RECQL4: variants seen among roughly 807,000 people sequenced by gnomAD.
RECQL4 encodes the protein ATP-dependent DNA helicase Q4.
RECQL4 carries 158 observed loss-of-function variants against 128.6 expected under a neutral mutation model. The observed-to-expected ratio is 1.23, with a 90% CI of 1.08 to 1.40. The LOEUF (loss-of-function observed/expected upper bound fraction) is 1.40. Ranked by LOEUF, RECQL4 falls within the 40% of genes most tolerant of loss-of-function variation. The probability of loss-of-function intolerance (pLI) is 0.00; values close to 1 mark genes in which losing one functional copy is unlikely to be tolerated. For missense variants in RECQL4, 2,293 were observed against 1,649.8 expected (o/e 1.39, Z -6.75); for synonymous variants, 996 against 678.9 (o/e 1.47, Z -7.26).
intron 20 of RECQL4, 49 bp from the exon 21 acceptor site, chr8:144,511,604 C>T (rs371296496): frequency 2.1e-5 from 34 of 1,607,082 alleles, no homozygotes; most frequent in African/African-American, 6.7e-5. Context: ...CAGCCTGCAG[C>T]GGGTGGAGCC....
In RECQL4 at chr8:144,511,435, C is replaced by T. The variant is rs563816306; in HGVS notation, c.3623G>A (p.Arg1208His). The T allele has an allele frequency of 1.9e-5, 31 of 1,612,326 alleles. No homozygotes were observed. Among genetic ancestry groups the T allele is most frequent in the Middle Eastern group, 1.7e-4 (1 of 6,058 alleles). Reference protein sequence around the residue: ...LATEELLQVAR With the variant: ...LATEELLQVAH ...ACATCCCCCAATGCAGTGCAGTCAGCGGGCCACCTGCAGGAGCTCTTCCGT... is the reference window on the plus strand; with the variant it reads ...ACATCCCCCAATGCAGTGCAGTCAGTGGGCCACCTGCAGGAGCTCTTCCGT... The change falls in exon 21 of 21, where the codon CGC becomes CAC. Residue 1208 changes from arginine to histidine, a missense_variant. Physicochemically the swap from Arg to His is conservative, Grantham distance 29 (BLOSUM62 0). Coordinates refer to ENST00000617875, the MANE Select transcript of RECQL4 (RefSeq NM_004260.4).
intron 4 of RECQL4, 91 bp downstream of exon 4, chr8:144,516,959 G>A (rs1440041712): frequency 5.3e-6 from 8 of 1,520,928 alleles, no homozygotes; most frequent in Non-Finnish European, 6.2e-6. Flanking sequence ...AGGGGCCCGT[G>A]CCTGTCTGTG....
rs937313187 is a variant in RECQL4, at chr8:144,513,237, T to C, written c.2444A>G (p.His815Arg). The change falls in exon 14 of 21, where the codon CAC becomes CGC. Residue 815 changes from histidine to arginine, a missense_variant. By Grantham distance (29) the His-to-Arg change is conservative. Transcript: ENST00000617875. Reference protein sequence around the residue: ...AGRDGQPAHCHLFLQPQGEDL... With the variant: ...AGRDGQPAHCRLFLQPQGEDL... ...GCCAACCTGGGGCTGCAGGAAGAGG[T>C]GGCAGTGGGCAGGCTGCCCGTCACG... 6.4e-7 allele frequency: 1 copy of C among 1,566,126 alleles called. No homozygotes were observed.
Position 144,513,400 on chromosome 8 carries a change from TGAAG to T in RECQL4, c.2277_2280del (p.Phe760CysfsTer82). On this transcript the variant is annotated frameshift_variant, in exon 14 of 21. Coordinates refer to ENST00000617875, the MANE Select transcript of RECQL4 (RefSeq NM_004260.4). LOFTEE classifies it high-confidence loss of function. ...ACCACCACCCGCAACTGGCCCTGCA[TGAAG>T]GCTCGCTGTACCCGCCGCCGTTCCC... 1 of 1,608,752 alleles carries T rather than the reference TGAAG, an allele frequency of 6.2e-7. No homozygotes were observed. Among genetic ancestry groups the T allele is most frequent in the African/African-American group, 1.3e-5 (1 of 75,070 alleles).
rs760851442 is a variant in RECQL4 at position 144,517,117 on chromosome 8, C to G, written c.287G>C (p.Arg96Pro). 1 of 1,612,316 alleles carries G rather than the reference C, an allele frequency of 6.2e-7. No homozygotes were observed. The highest frequency in any genetic ancestry group is 1.3e-5 in the African/African-American group (1 of 75,062). The stretch of plus-strand genomic sequence containing the variant: ...GTCCGGCACCGAGCCCTGGCGGCTC[C>G]GCCCTGGCGTAGACTGTGGACTCTT... ...ATKSPQSTPG[R>P]SRQGSVPDYG... The change falls in exon 4 of 21, where the codon CGG (arginine) becomes CCG (proline). Residue 96 changes from arginine to proline, a missense_variant. Transcript: ENST00000617875.
rs35639991 is a variant in RECQL4 at position 144,516,504 on chromosome 8, G to C, written c.615C>G (p.Pro205=). Residue 205 remains proline, a synonymous_variant, in exon 5 of 21, where the codon CCC becomes CCG. Coordinates refer to ENST00000617875, the MANE Select transcript of RECQL4 (RefSeq NM_004260.4). ...HSEVPDFLGA[P]KACRPDLGSE... ...AGCCTAGATCAGGCCTGCAGGCTTT[G>C]GGGGCCCCCAGAAAATCTGGGACCT... 3,664 of 1,608,960 alleles carry C rather than the reference G, an allele frequency of 2.3e-3. 7 individuals carry two copies. The highest frequency in any genetic ancestry group is 2.9e-3 in the Non-Finnish European group (3,433 of 1,179,568).
Position 144,517,654 on chromosome 8 carries a change from AGCCGCGG to A in RECQL4, c.85-26_85-20del, listed in dbSNP as rs2130744255. The A allele has an allele frequency of 1.0e-5, 15 of 1,472,734 alleles. No individual in the cohort carries two copies. The highest frequency in any genetic ancestry group is 1.3e-5 in the Non-Finnish European group (15 of 1,119,120). The allele number at this position is 1,472,734 out of a possible 1,614,324, so 91.2% of individuals were successfully genotyped here. A position where few individuals can be genotyped will look rare whatever the true frequency, so the allele number is the denominator to read the frequency against. ...CGTCGTCCTGTAAAGGGAACGCGTC[AGCCGCGG>A]GCCGCGCCCTCAGCCCCTCGGCCCC... On this transcript the variant is annotated intron_variant, in intron 1 of 20. Coordinates refer to ENST00000617875, the MANE Select transcript of RECQL4 (RefSeq NM_004260.4).
Position 144,511,534 on chromosome 8 carries a change from T to C in RECQL4, c.3524A>G (p.Gln1175Arg), listed in dbSNP as rs367898813. ...GAAGCGTCGGTCCTGCCCGTACACC[T>C]GGGCCGGGTAGCAGGGGCTTCCTAC... is the stretch of plus-strand genomic sequence containing the variant. ...HGIGSPCYPA[Q>R]VYGQDRRFWR... The change falls in exon 21 of 21, where the codon CAG becomes CGG. Residue 1175 changes from glutamine (Q) to arginine (R), a missense_variant. By Grantham distance (43) the Gln-to-Arg change is conservative (BLOSUM62 1). Transcript: ENST00000617875. 6.2e-7 allele frequency: 1 copy of C among 1,612,310 alleles called. No homozygotes were observed. The highest frequency in any genetic ancestry group is 2.2e-5 in the East Asian group (1 of 44,888).
chr8:144,517,259 C>G, intron 3 of RECQL4, 69 bp from the exon 4 acceptor site: 1 of 1,525,950 alleles, frequency 6.6e-7, no homozygotes, highest in Non-Finnish European at 8.8e-7. Context: ...CCAGCCACCC[C>G]TCCCGCACCT....
Position 144,513,643 on chromosome 8 carries a change from G to C in RECQL4, c.2128C>G (p.Arg710Gly), listed in dbSNP as rs750126506. The stretch of plus-strand genomic sequence containing the variant: ...GCAGCGATCCGCTCTGTGTCCTCGC[G>C]CCGGTTGCAGTAAATGATAATGGAA... ...LDSIIIYCNR[R>G]EDTERIAALL... Residue 710 changes from arginine to glycine, a missense_variant, in exon 13 of 21, where the codon CGC (arginine) becomes GGC (glycine). Arg to Gly is a moderately radical substitution (Grantham distance 125). Transcript: ENST00000617875. 6.3e-7 allele frequency: 1 copy of C among 1,583,836 alleles called. No homozygotes were observed. The highest frequency in any genetic ancestry group is 1.3e-5 in the African/African-American group (1 of 74,310).
chr8:144,517,095 C>G lies in RECQL4; in HGVS notation c.309G>C (p.Pro103=). 6.2e-7 allele frequency: 1 copy of G among 1,612,442 alleles called. No individual in the cohort carries two copies. The highest frequency in any genetic ancestry group is 8.5e-7 in the Non-Finnish European group (1 of 1,179,732). ...TGGCCTTGAGCCGCTGCCCGTAGTC[C>G]GGCACCGAGCCCTGGCGGCTCCGCC... ...TPGRSRQGSV[P]DYGQRLKANL... The change falls in exon 4 of 21, where the codon CCG becomes CCC. Residue 103 remains proline, a synonymous_variant. Transcript: ENST00000617875.
chr8:144,511,783 C>T lies in RECQL4; in HGVS notation c.3400G>A (p.Asp1134Asn), dbSNP rs1220462752. 1 of 1,612,434 alleles carries T rather than the reference C, an allele frequency of 6.2e-7. No individual in the cohort carries two copies. Residue 1134 changes from aspartate (D) to asparagine (N), a missense_variant, in exon 20 of 21, where the codon GAT (aspartate) becomes AAT (asparagine). Asp to Asn is a conservative substitution (Grantham distance 23). Coordinates refer to ENST00000617875, the MANE Select transcript of RECQL4 (RefSeq NM_004260.4). ...GPEPGQARLQ[D>N]WEDQVRCDIR... ...TCGCAGCGGACCTGGTCCTCCCAAT[C>T]CTGGAGCTGTGTGGACAGGCACATC...
intron 4 of RECQL4, 97 bp downstream of exon 4, chr8:144,516,953 G>A (rs1586828956): frequency 2.0e-6 from 3 of 1,496,362 alleles, no homozygotes; most frequent in South Asian, 2.6e-5. Context: ...TGGCACAGGG[G>A]CCCGTGCCTG....
In RECQL4 at chr8:144,513,160, G is replaced by A. The variant is rs781121428; in HGVS notation, c.2464-22C>T. On this transcript the variant is annotated intron_variant, in intron 14 of 20. Coordinates refer to ENST00000617875, the MANE Select transcript of RECQL4 (RefSeq NM_004260.4). ...CGCCCTGCAGGGCAACTTTCATGAG[G>A]GTGGGGTGGACCACTGGGGGCTCGA... The A allele has an allele frequency of 6.4e-6, 10 of 1,557,898 alleles. No homozygotes were observed. In the East Asian group the frequency reaches 6.8e-5, roughly 11 times the overall value.
intron 7 of RECQL4, 21 bp downstream of exon 7, chr8:144,515,305 G>C (rs778344339): frequency 3.5e-5 from 56 of 1,611,756 alleles, no homozygotes; most frequent in Non-Finnish European, 4.5e-5. Flanking sequence ...GAAGGCTCTG[G>C]GCCAGAAGCT....
At position 144,512,253 on chromosome 8, in the gene RECQL4, A is replaced by G. The variant is rs4925828; in HGVS notation, c.3127T>C (p.Leu1043=). The change falls in exon 18 of 21, where the codon TTG becomes CTG. Residue 1043 remains leucine (L), a synonymous_variant. Coordinates refer to ENST00000617875, the MANE Select transcript of RECQL4 (RefSeq NM_004260.4). ...LAFHLRSPGD[L]TAEEKDQICD... ...ATCTGGTCCTTCTCCTCAGCGGTCAAGTCCCCCGGGCTGCGAAGGTGGAAG... is the reference window on the plus strand; with the variant it reads ...ATCTGGTCCTTCTCCTCAGCGGTCAGGTCCCCCGGGCTGCGAAGGTGGAAG... 1,594,122 of 1,612,502 alleles carry G rather than the reference A, an allele frequency of 0.99. 789,817 individuals carry two copies. Among genetic ancestry groups the G allele is most frequent in the Non-Finnish European group, 1 (1,179,418 of 1,179,796 alleles).
At position 144,515,403 on chromosome 8, in the gene RECQL4, T is replaced by C; in HGVS notation, c.1313A>G (p.Gln438Arg). The C allele has an allele frequency of 6.2e-7, 1 of 1,612,758 alleles. No individual in the cohort carries two copies. Among genetic ancestry groups the C allele is most frequent in the Non-Finnish European group, 8.5e-7 (1 of 1,179,830 alleles). Residue 438 changes from glutamine (Q) to arginine (R), a missense_variant, in exon 7 of 21, where the codon CAA becomes CGA. By Grantham distance (43) the Gln-to-Arg change is conservative. Coordinates refer to ENST00000617875, the MANE Select transcript of RECQL4 (RefSeq NM_004260.4). The stretch of plus-strand genomic sequence containing the variant: ...CAGGCTGGGCACCTCAGGTACAGGT[T>C]GTGGTGAAGGAACCAGTGGCTCAGG... ...VGPEPLVPSP[Q>R]PVPEVPSLDP...
Position 144,516,206 on chromosome 8 carries a change from C to A in RECQL4, c.913G>T (p.Ala305Ser). Residue 305 changes from alanine to serine, a missense_variant, in exon 5 of 21, where the codon GCA becomes TCA. Physicochemically the swap from Ala to Ser is moderately conservative, Grantham distance 99. Coordinates refer to ENST00000617875, the MANE Select transcript of RECQL4 (RefSeq NM_004260.4). ...CTGCTGCAGGGCTGAGGTGGCTGTGCCTGTACAGGTTCCCCTGGAGGGTCT... is the reference window on the plus strand; with the variant it reads ...CTGCTGCAGGGCTGAGGTGGCTGTGACTGTACAGGTTCCCCTGGAGGGTCT... ...EEDPPGEPVQ[A>S]QPPQPCSSPS... The A allele has an allele frequency of 1.9e-6, 3 of 1,613,308 alleles. No homozygotes were observed. Among genetic ancestry groups the A allele is most frequent in the Non-Finnish European group, 2.5e-6 (3 of 1,179,862 alleles).
chr8:144,513,485 G>A lies in RECQL4; in HGVS notation c.2201-5C>T, dbSNP rs764321990. On this transcript the variant is annotated splice_polypyrimidine_tract_variant and splice_region_variant and intron_variant, in intron 13 of 20. Coordinates refer to ENST00000617875, the MANE Select transcript of RECQL4 (RefSeq NM_004260.4). The stretch of plus-strand genomic sequence containing the variant: ...CTGTGGTTTTGGGGGCACGACCTTT[G>A]GGGAAGACAGGCAGATGGTCAGTGG... 8.7e-6 allele frequency: 14 copies of A among 1,609,850 alleles called. No homozygotes were observed. In the Admixed American group the frequency reaches 2.2e-4, roughly 25 times the overall value.
Sources: gnomAD v4.1 joint callset for allele counts on GRCh38, gnomAD v4.1.1 for gene constraint, MANE v1.5 for transcripts, NCBI Gene and HGNC (gene_info 2026-07-23, HGNC 2026-07-21) for gene names.